Variants in TBC1D12 observed in about 807,000 individuals in gnomAD.
TBC1D12 encodes TBC1 domain family, member 12.
Under a neutral mutation model 86.7 loss-of-function variants are expected in TBC1D12, and 56 were observed. That is an observed-to-expected ratio of 0.65 (90% CI 0.52 to 0.81). The LOEUF (loss-of-function observed/expected upper bound fraction) is 0.81, where lower values mean the gene tolerates loss of function less well. TBC1D12 is among the 30% of genes least tolerant of loss of function. The pLI is 0.00. For synonymous variants in TBC1D12, 421 were observed against 411.7 expected (o/e 1.02, Z -0.27); for missense variants, 1,023 against 1,038.8 (o/e 0.98, Z 0.21).
chr10:94,487,892 A>T (rs1182090251), intron 3 of TBC1D12, among the ~76,000 whole-genome samples: 1 of 150,724 alleles, frequency 6.6e-6, no homozygotes, highest in African/African-American at 2.4e-5. Context: ...AGTAAGGATG[A>T]AGTCTTGCTG....
At chr10:94,529,512 G>A (rs1381049645) in intron 11 of TBC1D12, among the ~76,000 whole-genome samples, 1 of 151,176 alleles carries the variant, frequency 6.6e-6, no homozygotes, top group African/African-American at 2.5e-5. Context: ...CAGCTACTCG[G>A]GAGGCTGAGG....
chr10:94,426,953 G>A (rs554380913), intron 1 of TBC1D12, among the ~76,000 whole-genome samples: 1 of 152,194 alleles, frequency 6.6e-6, no homozygotes, highest in East Asian at 1.9e-4. Flanking sequence ...CCTTTAAAGT[G>A]TACAATTTGA....
intron 11 of TBC1D12, among the ~76,000 whole-genome samples, chr10:94,523,153 CCAGCACTG>C (rs1842199339): frequency 7.3e-6 from 1 of 137,716 alleles, no homozygotes; most frequent in Non-Finnish European, 1.5e-5. Flanking sequence ...AGATCACACC[CCAGCACTG>C]CAGCCTGGAC....
chr10:94,443,229 T>C (rs1164443551), intron 2 of TBC1D12, among the ~76,000 whole-genome samples: 1 of 152,192 alleles, frequency 6.6e-6, no homozygotes, highest in Non-Finnish European at 1.5e-5. Context: ...GCCCCTCCCT[T>C]TCCCTTTTGA....
chr10:94,465,815 C>T (rs1458373461), intron 2 of TBC1D12, among the ~76,000 whole-genome samples: 1 of 150,986 alleles, frequency 6.6e-6, no homozygotes, highest in East Asian at 2.0e-4. Flanking sequence ...TATACGCATA[C>T]ATACACATAT....
At chr10:94,513,556 TTTTA>T (rs2056551376) in intron 9 of TBC1D12, among the ~76,000 whole-genome samples, 2 of 152,186 alleles carry the variant, frequency 1.3e-5, no homozygotes, top group Admixed American at 1.3e-4. Flanking sequence ...GTATTTCTTT[TTTTA>T]TTTTTATTTT....
intron 1 of TBC1D12, among the ~76,000 whole-genome samples, chr10:94,427,276 G>A (rs1484243141): frequency 6.6e-6 from 1 of 152,064 alleles, no homozygotes; most frequent in Non-Finnish European, 1.5e-5. Context: ...CCCATGTTCT[G>A]CTGATGTTTT....
Position 94,531,384 on chromosome 10 carries a change from A to G in TBC1D12, c.2183A>G (p.Glu728Gly), listed in dbSNP as rs764569362. ...GCACAGTTTCTAACTAAATTGCCAG[A>G]AGATATCACATCGGAAAAGCTGTTC... is the stretch of plus-strand genomic sequence containing the variant. ...HIAQFLTKLPEDITSEKLFSC... is the reference protein window; with the variant it reads ...HIAQFLTKLPGDITSEKLFSC... Residue 728 changes from glutamate to glycine, a missense_variant, in exon 12 of 13, where the codon GAA (glutamate) becomes GGA (glycine). Glu to Gly is a moderately conservative substitution (Grantham distance 98). Transcript: ENST00000225235. 3.1e-6 allele frequency: 5 copies of G among 1,614,132 alleles called. No individual in the cohort carries two copies. In the South Asian group the frequency reaches 4.4e-5, roughly 14 times the overall value.
At chr10:94,404,217 T>G (rs1019511192) in intron 1 of TBC1D12, among the ~76,000 whole-genome samples, 1 of 152,252 alleles carries the variant, frequency 6.6e-6, no homozygotes, top group African/African-American at 2.4e-5. Context: ...TCCCAACTTT[T>G]TAAGCCAAAG....
chr10:94,466,201 T>C (rs1442249793), intron 2 of TBC1D12, among the ~76,000 whole-genome samples: 1 of 152,094 alleles, frequency 6.6e-6, no homozygotes, highest in African/African-American at 2.4e-5. Flanking sequence ...TTCTAACTTT[T>C]GTGCTGTAAA....
At chr10:94,458,072 G>A (rs1447405118) in intron 2 of TBC1D12, among the ~76,000 whole-genome samples, 1 of 152,056 alleles carries the variant, frequency 6.6e-6, no homozygotes, top group Non-Finnish European at 1.5e-5. Flanking sequence ...TGGTTTGATT[G>A]TTTATCCCCT....
At chr10:94,405,358 CTTA>C (rs1171058940) in intron 1 of TBC1D12, among the ~76,000 whole-genome samples, 1 of 152,050 alleles carries the variant, frequency 6.6e-6, no homozygotes, top group African/African-American at 2.4e-5. Flanking sequence ...CTAGTTTATC[CTTA>C]TTTTTTTGCT....
intron 11 of TBC1D12, among the ~76,000 whole-genome samples, chr10:94,529,616 TAA>T (rs199526329): frequency 6.7e-6 from 1 of 150,248 alleles, no homozygotes; most frequent in African/African-American, 2.4e-5. Flanking sequence ...AAAACTCCAT[TAA>T]AAAAAAAATT....
chr10:94,419,531 G>T (rs1699134927), intron 1 of TBC1D12, among the ~76,000 whole-genome samples: 1 of 151,972 alleles, frequency 6.6e-6, no homozygotes, highest in East Asian at 1.9e-4. Flanking sequence ...AAATTAGCTG[G>T]ACGTGGTGGC....
intron 1 of TBC1D12, among the ~76,000 whole-genome samples, chr10:94,434,542 A>G (rs2055269131): frequency 6.6e-6 from 1 of 151,676 alleles, no homozygotes; most frequent in South Asian, 2.1e-4. Context: ...TCTTTTAACC[A>G]TTTTAGTTAG....
intron 2 of TBC1D12, among the ~76,000 whole-genome samples, chr10:94,453,153 C>T (rs947059586): frequency 1.3e-5 from 2 of 152,094 alleles, no homozygotes; most frequent in Non-Finnish European, 2.9e-5. Flanking sequence ...TTTAAGACTT[C>T]TTTGTATATT....
chr10:94,439,916 G>A (rs1589616532), intron 1 of TBC1D12, among the ~76,000 whole-genome samples: 1 of 152,142 alleles, frequency 6.6e-6, no homozygotes, highest in Non-Finnish European at 1.5e-5. Flanking sequence ...GGTACACAAC[G>A]TATCAAACAT....
At chr10:94,412,351 G>A (rs2054939294) in intron 1 of TBC1D12, among the ~76,000 whole-genome samples, 1 of 152,174 alleles carries the variant, frequency 6.6e-6, no homozygotes, top group Non-Finnish European at 1.5e-5. Context: ...GGAAGATACT[G>A]GATGAATTTT....
chr10:94,404,587 A>T (rs1485407689), intron 1 of TBC1D12, among the ~76,000 whole-genome samples: 1 of 151,692 alleles, frequency 6.6e-6, no homozygotes, highest in Non-Finnish European at 1.5e-5. Context: ...TAGAGGTTGC[A>T]GTGAACCTAG....
Sources: allele counts gnomAD v4.1 joint callset (sites outside exome capture counted in the v4.1 genomes callset), GRCh38; gene constraint gnomAD v4.1.1; transcripts MANE v1.5; gene names NCBI Gene and HGNC (gene_info 2026-07-23, HGNC 2026-07-21).